Variants in DHRS7B observed in about 807,000 individuals in gnomAD.
The protein encoded by DHRS7B is dehydrogenase/reductase 7B, also known as peroxisomal reductase activating PPAR-gamma.
A neutral mutation model predicts 26.4 loss-of-function variants in DHRS7B; 24 were observed. That is an observed-to-expected ratio of 0.91 (90% CI 0.66 to 1.28). The LOEUF is 1.28. Ranked by LOEUF, DHRS7B falls within the 50% of genes most tolerant of loss-of-function variation. The pLI, the probability that DHRS7B is intolerant of heterozygous loss-of-function variation, is 0.00. For synonymous variants in DHRS7B, 142 were observed against 166.4 expected (o/e 0.85, Z 1.13); for missense variants, 368 against 419.4 (o/e 0.88, Z 1.07).
Position 21,172,030 on chromosome 17 carries a change from G to A in DHRS7B, c.33G>A (p.Pro11=), listed in dbSNP as rs61733767. The A allele has an allele frequency of 2.1e-3, 3,353 of 1,614,182 alleles. 74 individuals are homozygous for A. In the African/African-American group the frequency reaches 0.04, roughly 19 times the overall value. Residue 11 remains proline, a synonymous_variant, in exon 2 of 7, where the codon CCG becomes CCA. Coordinates refer to ENST00000395511, the MANE Select transcript of DHRS7B (RefSeq NM_015510.5). The part of the protein sequence containing the change: MVSPATRKSL[P]KVKAMDFITS... ...TTGGTTCTTCCAGGAAGAGTCTGCC[G>A]AAGGTGAAGGCCATGGACTTCATCA...
At chr17:21,137,295 C>A (rs1294697219) in intron 1 of DHRS7B, among the ~76,000 whole-genome samples, 1 of 108,224 alleles carries the variant, frequency 9.2e-6, no homozygotes, top group South Asian at 3.0e-4. Context: ...TCTTTTTTGT[C>A]TTTTTTTTTT....
chr17:21,171,468 C>A (rs1334441174), intron 1 of DHRS7B, among the ~76,000 whole-genome samples: 1 of 152,212 alleles, frequency 6.6e-6, no homozygotes, highest in African/African-American at 2.4e-5. Flanking sequence ...TCTGTGAGGC[C>A]TGTGGTCAGA....
Position 21,183,805 on chromosome 17 carries a change from C to T in DHRS7B, c.521C>T (p.Thr174Met), listed in dbSNP as rs749445087. Residue 174 changes from threonine (T) to methionine (M), a missense_variant, in exon 4 of 7, where the codon ACG becomes ATG. Transcript: ENST00000395511. ...ETNYFGPVAL[T>M]KALLPSMIKR... Reference sequence around the variant, plus strand: ...AACTACTTTGGCCCAGTTGCTCTAACGAAAGGTAACAGTCTTGAGAAAAGA... The same window carrying T: ...AACTACTTTGGCCCAGTTGCTCTAATGAAAGGTAACAGTCTTGAGAAAAGA... The T allele has an allele frequency of 2.2e-5, 35 of 1,613,528 alleles. No homozygotes were observed. Among genetic ancestry groups the T allele is most frequent in the African/African-American group, 5.3e-5 (4 of 74,908 alleles).
At chr17:21,171,885 A>G (rs978122268) in intron 1 of DHRS7B, 133 bp from the exon 2 acceptor site, 5 of 1,151,000 alleles carry the variant, frequency 4.3e-6, no homozygotes, top group East Asian at 4.8e-5. Context: ...GCCTGGGTCA[A>G]TGCTTGCTAG....
Position 21,172,061 on chromosome 17 carries a change from A to G in DHRS7B, c.64A>G (p.Thr22Ala). The G allele has an allele frequency of 6.2e-7, 1 of 1,614,198 alleles. No individual in the cohort carries two copies. The highest frequency in any genetic ancestry group is 8.5e-7 in the Non-Finnish European group (1 of 1,180,036). Residue 22 changes from threonine to alanine, a missense_variant, in exon 2 of 7, where the codon ACA becomes GCA. Thr to Ala is a moderately conservative substitution (Grantham distance 58, BLOSUM62 0). Coordinates refer to ENST00000395511, the MANE Select transcript of DHRS7B (RefSeq NM_015510.5). ...KVKAMDFITSTAILPLLFGCL... is the reference protein window; with the variant it reads ...KVKAMDFITSAAILPLLFGCL... ...GAAGGCCATGGACTTCATCACCTCC[A>G]CAGCCATCCTGCCCCTGCTGTTCGG...
chr17:21,172,921 G>A (rs191940929), intron 2 of DHRS7B, among the ~76,000 whole-genome samples: 11 of 152,332 alleles, frequency 7.2e-5, no homozygotes, highest in South Asian at 2.1e-4. Context: ...TGCCACACAC[G>A]TATATTGACT....
At chr17:21,182,465 T>C (rs1408856346) in intron 3 of DHRS7B, among the ~76,000 whole-genome samples, 1 of 152,306 alleles carries the variant, frequency 6.6e-6, no homozygotes, top group South Asian at 2.1e-4. Context: ...GTCAGGCTAG[T>C]CTTGAACTCC....
At chr17:21,132,348 A>AAAAAAT (rs1491147235) in intron 1 of DHRS7B, among the ~76,000 whole-genome samples, 11 of 125,044 alleles carry the variant, frequency 8.8e-5, no homozygotes, top group African/African-American at 3.2e-4. Flanking sequence ...AAAAAAAAAA[A>AAAAAAT]ATATATATAT....
chr17:21,188,697 G>A lies in DHRS7B; in HGVS notation c.620-14G>A, dbSNP rs1427864438. The A allele has an allele frequency of 8.9e-6, 14 of 1,572,968 alleles. No individual in the cohort carries two copies. The highest frequency in any genetic ancestry group is 1.8e-4 in the Middle Eastern group (1 of 5,600). ...AGCGCACTCAGTCACCTGCCTCTCC[G>A]TCCACATGTGTAGATGCAGCCTCCA... On this transcript the variant is annotated splice_polypyrimidine_tract_variant and intron_variant, in intron 5 of 6. Coordinates refer to ENST00000395511, the MANE Select transcript of DHRS7B (RefSeq NM_015510.5).
intron 1 of DHRS7B, among the ~76,000 whole-genome samples, chr17:21,165,341 CT>C (rs200927241): frequency 2.0e-5 from 3 of 151,272 alleles, no homozygotes; most frequent in African/African-American, 7.3e-5. Flanking sequence ...ACTATATTCA[CT>C]TTTTTTTTCT....
chr17:21,173,974 G>A (rs1271343752), intron 2 of DHRS7B, among the ~76,000 whole-genome samples: 3 of 152,228 alleles, frequency 2.0e-5, no homozygotes, highest in East Asian at 3.9e-4. Context: ...AAAATGTCAC[G>A]GAGGTCACCA....
At position 21,165,688 on chromosome 17, in the gene DHRS7B, T is replaced by G. The variant is rs528335489; in HGVS notation, c.21-6330T>G. 1.4e-3 allele frequency among the ~76,000 whole-genome samples: 212 copies of G among 152,054 alleles called. 1 individual carries two copies. Among genetic ancestry groups the G allele is most frequent in the Non-Finnish European group, 1.7e-3 (114 of 67,964 alleles). On this transcript the variant is annotated intron_variant, in intron 1 of 6. Coordinates refer to ENST00000395511, the MANE Select transcript of DHRS7B (RefSeq NM_015510.5). ...GGCTCAGCATTTTGGGAGGCTGAGG[T>G]GGGCAGATCACAAGGTCAGGAGTTC...
intron 1 of DHRS7B, among the ~76,000 whole-genome samples, chr17:21,141,871 G>A (rs1011490150): frequency 6.6e-6 from 1 of 152,154 alleles, no homozygotes; most frequent in East Asian, 1.9e-4. Flanking sequence ...CATAAAGGTA[G>A]CTGATGCTGG....
chr17:21,138,075 A>AAAAAAAATATAT (rs1238830544), intron 1 of DHRS7B, among the ~76,000 whole-genome samples: 31 of 33,180 alleles, frequency 9.3e-4, no homozygotes, highest in African/African-American at 4.1e-3. Flanking sequence ...TTAAAAAAAA[A>AAAAAAAATATAT]ATATATATAT....
chr17:21,150,287 G>T (rs1973741398), intron 1 of DHRS7B, among the ~76,000 whole-genome samples: 1 of 151,830 alleles, frequency 6.6e-6, no homozygotes, highest in African/African-American at 2.4e-5. Flanking sequence ...CACTTCATGG[G>T]TGTAGAAATT....
intron 1 of DHRS7B, among the ~76,000 whole-genome samples, chr17:21,137,699 CGACT>C (rs1973378318): frequency 1.3e-5 from 2 of 151,932 alleles, no homozygotes; most frequent in African/African-American, 2.4e-5. Flanking sequence ...TCAGGTGATC[CGACT>C]GCCTCGGCCT....
In DHRS7B at chr17:21,172,216, C is replaced by A. The variant is rs1974271196; in HGVS notation, c.199+20C>A. 1.3e-6 allele frequency: 2 copies of A among 1,599,044 alleles called. No homozygotes were observed. The highest frequency in any genetic ancestry group is 1.3e-5 in the African/African-American group (1 of 74,606). ...GCAAAGGTGGGTCCTGGAGGCAGTG[C>A]TGCCAGGGGGCGGGGGTAAGTCAGC... On this transcript the variant is annotated intron_variant, in intron 2 of 6. Coordinates refer to ENST00000395511, the MANE Select transcript of DHRS7B (RefSeq NM_015510.5).
chr17:21,147,761 A>G (rs1314763508), intron 1 of DHRS7B, among the ~76,000 whole-genome samples: 1 of 152,236 alleles, frequency 6.6e-6, no homozygotes, highest in East Asian at 1.9e-4. Context: ...CCCTGAGGAC[A>G]GGCAGAGACA....
intron 1 of DHRS7B, among the ~76,000 whole-genome samples, chr17:21,146,669 G>A (rs1010691267): frequency 1.3e-5 from 2 of 152,148 alleles, no homozygotes; most frequent in African/African-American, 4.8e-5. Flanking sequence ...ATGGCAGCTA[G>A]CAACTTGATC....
Sources: gnomAD v4.1 joint callset for allele counts (sites outside exome capture counted in the v4.1 genomes callset) on GRCh38, gnomAD v4.1.1 for gene constraint, MANE v1.5 for transcripts, NCBI Gene and HGNC (gene_info 2026-07-23, HGNC 2026-07-21) for gene names.